The following HDGFL3 variants were observed in gnomAD, a reference collection of about 807,000 sequenced individuals.
The protein encoded by HDGFL3 is hepatoma-derived growth factor-related protein 3.
A neutral mutation model predicts 27.6 loss-of-function variants in HDGFL3; 6 were observed. The ratio of observed to expected loss-of-function variants is 0.22; its 90% CI spans 0.12 to 0.43. The LOEUF is 0.43. HDGFL3 is among the 20% of genes least tolerant of loss of function. HDGFL3 has a pLI of 1.00. For synonymous variants in HDGFL3, 88 were observed against 88.9 expected (o/e 0.99, Z 0.05); for missense variants, 207 against 250.1 (o/e 0.83, Z 1.16).
downstream of HDGFL3, chr15:83,127,386 CTTACT>C: frequency 6.2e-7 from 1 of 1,613,788 alleles, no homozygotes; most frequent in South Asian, 1.1e-5. Context: ...TATTCTGTTC[CTTACT>C]TTGTGACTGC....
chr15:83,195,516 G>T (rs1032293023), intron 1 of HDGFL3, among the ~76,000 whole-genome samples: 2 of 151,868 alleles, frequency 1.3e-5, no homozygotes, highest in African/African-American at 4.8e-5. Context: ...TCTATCTCAA[G>T]CTCTTTAATG....
chr15:83,198,753 C>T (rs1364183333), intron 1 of HDGFL3, among the ~76,000 whole-genome samples: 4 of 152,208 alleles, frequency 2.6e-5, no homozygotes, highest in Non-Finnish European at 5.9e-5. Context: ...TTATAACTCA[C>T]TCTTGCAAGA....
chr15:83,166,097 CAG>C lies in HDGFL3; in HGVS notation c.85-2024_85-2023del, dbSNP rs1382110639. ...AATAGACATCCAGATGCAAGAAATC[CAG>C]AGAATACTGGTAAAATACTATACAA... is the stretch of plus-strand genomic sequence containing the variant. On this transcript the variant is annotated intron_variant, in intron 1 of 5. Transcript: ENST00000299633. Among the ~76,000 whole-genome samples, 8 of 152,102 alleles carry C rather than the reference CAG, an allele frequency of 5.3e-5. No homozygotes were observed. In the East Asian group the frequency reaches 1.5e-3, roughly 29 times the overall value.
At position 83,127,769 on chromosome 15, in the gene HDGFL3, T is replaced by C; in HGVS notation, c.*11501A>G. On this transcript the variant is annotated 3_prime_UTR_variant, in exon 6 of 6. Transcript: ENST00000299633. ...CACCCAGCATGTGGCATTGTTGTTT[T>C]ATTGGACTGTTTCACAATCTCTGAA... 1 of 322,186 alleles carries C rather than the reference T, an allele frequency of 3.1e-6. No individual in the cohort carries two copies. The highest frequency in any genetic ancestry group is 5.8e-6 in the Non-Finnish European group (1 of 171,276). 20.0% of individuals were successfully genotyped at this position (322,186 alleles called of 1,614,324 possible).
rs372471077 is a variant in HDGFL3, at chr15:83,168,712, C to T, written c.85-4637G>A. On this transcript the variant is annotated intron_variant, in intron 1 of 5. Coordinates refer to ENST00000299633, the MANE Select transcript of HDGFL3 (RefSeq NM_016073.4). Reference sequence around the variant, plus strand: ...ATTCTACCAGAGGTACAAAGAAGAACTGTACCAATTCTATTGAAACTATCA... The same window carrying T: ...ATTCTACCAGAGGTACAAAGAAGAATTGTACCAATTCTATTGAAACTATCA... Among the ~76,000 whole-genome samples, 9 of 152,164 alleles carry T rather than the reference C, an allele frequency of 5.9e-5. No homozygotes were observed. The East Asian group carries it at 1.7e-3, about 29-fold the overall frequency.
intron 3 of HDGFL3, chr15:83,115,806 G>A: frequency 3.7e-6 from 5 of 1,350,890 alleles, no homozygotes; most frequent in South Asian, 2.3e-5. Context: ...ATTGTCTCCT[G>A]AGCTATTGCT....
Position 83,137,256 on chromosome 15 carries a change from T to C in HDGFL3, c.*2014A>G, listed in dbSNP as rs2036667047. On this transcript the variant is annotated 3_prime_UTR_variant, in exon 6 of 6. Transcript: ENST00000299633. ...ATTTAAACAGCTAAATAGGGATCAG[T>C]AACTTTATCTCTATCCTTAATGAAC... 1 of 152,216 alleles carries C rather than the reference T, an allele frequency of 6.6e-6. No individual in the cohort carries two copies. The highest frequency in any genetic ancestry group is 2.4e-5 in the African/African-American group (1 of 41,472). 9.4% of individuals were successfully genotyped at this position (152,216 alleles called of 1,614,324 possible).
intron 1 of HDGFL3, among the ~76,000 whole-genome samples, chr15:83,200,259 C>T (rs1234145177): frequency 2.6e-5 from 4 of 151,508 alleles, no homozygotes; most frequent in South Asian, 2.1e-4. Flanking sequence ...GGCAGGAACC[C>T]GGGAGGCGGA....
chr15:83,203,291 A>G (rs1309358604), intron 1 of HDGFL3, among the ~76,000 whole-genome samples: 1 of 152,028 alleles, frequency 6.6e-6, no homozygotes, highest in Admixed American at 6.6e-5. Context: ...TTTTGATTTC[A>G]GTTTCTTACT....
At chr15:83,162,682 A>G (rs909861177) in intron 2 of HDGFL3, among the ~76,000 whole-genome samples, 4 of 152,182 alleles carry the variant, frequency 2.6e-5, no homozygotes, top group Admixed American at 6.5e-5. Context: ...CACGAAAAAA[A>G]GTCTGTCTTG....
chr15:83,188,645 T>A (rs1300969917), intron 1 of HDGFL3, among the ~76,000 whole-genome samples: 1 of 152,226 alleles, frequency 6.6e-6, no homozygotes. Flanking sequence ...GATTCCAGGA[T>A]GCCATAGTCT....
intron 1 of HDGFL3, among the ~76,000 whole-genome samples, chr15:83,206,226 T>C (rs1299051793): frequency 1.3e-5 from 2 of 152,224 alleles, no homozygotes; most frequent in Non-Finnish European, 2.9e-5. Context: ...TGGGTGTATT[T>C]TTTTTTCTTG....
At chr15:83,196,242 T>C (rs1033603008) in intron 1 of HDGFL3, among the ~76,000 whole-genome samples, 11 of 152,046 alleles carry the variant, frequency 7.2e-5, no homozygotes, top group African/African-American at 2.6e-4. Flanking sequence ...TCAATATACT[T>C]ATTGACTCAT....
chr15:83,146,044 G>A lies in HDGFL3; in HGVS notation c.606+5171C>T, dbSNP rs147363589. ...TCATGCCTCAGCCTCCCGAGTACCT[G>A]TGACTACAAGTGTGCACCACCATGC... On this transcript the variant is annotated intron_variant, in intron 5 of 5. Coordinates refer to ENST00000299633, the MANE Select transcript of HDGFL3 (RefSeq NM_016073.4). 9.5e-4 allele frequency among the ~76,000 whole-genome samples: 143 copies of A among 150,818 alleles called. 1 individual carries two copies. The highest frequency in any genetic ancestry group is 3.4e-3 in the African/African-American group (139 of 41,034).
chr15:83,148,621 C>CG lies in HDGFL3; in HGVS notation c.606+2593dup, dbSNP rs536062435. Among the ~76,000 whole-genome samples the CG allele has an allele frequency of 2.0e-4, 30 of 146,492 alleles. 1 individual carries two copies. The South Asian group carries it at 6.0e-3, about 29-fold the overall frequency. On this transcript the variant is annotated intron_variant, in intron 5 of 5. Coordinates refer to ENST00000299633, the MANE Select transcript of HDGFL3 (RefSeq NM_016073.4). ...TGGGCGACAGAGTGAGACTCCGTCTCGAAAAAAAAAAAATAATAATAATAA... is the reference window on the plus strand; with the variant it reads ...TGGGCGACAGAGTGAGACTCCGTCTCGGAAAAAAAAAAAATAATAATAATAA...
At position 83,134,196 on chromosome 15, in the gene HDGFL3, G is replaced by A. The variant is rs2036456429; in HGVS notation, c.*5074C>T. The A allele has an allele frequency of 6.6e-6, 1 of 151,880 alleles. No homozygotes were observed. 9.4% of individuals were successfully genotyped at this position (151,880 alleles called of 1,614,324 possible). ...ATTAGACACAGTACCTGCCCAGTGG[G>A]CTTACAATCTAATCTAAGGACATGA... On this transcript the variant is annotated 3_prime_UTR_variant, in exon 6 of 6. Coordinates refer to ENST00000299633, the MANE Select transcript of HDGFL3 (RefSeq NM_016073.4).
chr15:83,145,208 C>G (rs900192429), intron 5 of HDGFL3, among the ~76,000 whole-genome samples: 1 of 152,036 alleles, frequency 6.6e-6, no homozygotes, highest in African/African-American at 2.4e-5. Context: ...AAGATGGGCT[C>G]CAGAGCACCC....
Position 83,136,559 on chromosome 15 carries a change from C to CT in HDGFL3, c.*2710dup. 7 of 1,613,584 alleles carry CT rather than the reference C, an allele frequency of 4.3e-6. No individual in the cohort carries two copies. The highest frequency in any genetic ancestry group is 2.2e-5 in the East Asian group (1 of 44,842). ...CAGAGTCCCTGAAGAAGCAAAAATCCTTTTTTTAGCATTAAACATAGCATA... is the reference window on the plus strand; with the variant it reads ...CAGAGTCCCTGAAGAAGCAAAAATCCTTTTTTTTAGCATTAAACATAGCATA... On this transcript the variant is annotated 3_prime_UTR_variant, in exon 6 of 6. Transcript: ENST00000299633.
rs770787652 is a variant in HDGFL3, at chr15:83,130,258, T to C, written c.*9012A>G. On this transcript the variant is annotated 3_prime_UTR_variant, in exon 6 of 6. Coordinates refer to ENST00000299633, the MANE Select transcript of HDGFL3 (RefSeq NM_016073.4). Reference sequence around the variant, plus strand: ...AGGAAGGTCATAGCTTAGAGGAAAATGGGTGTGGTAAGCCTGTAGCAATAA... The same window carrying C: ...AGGAAGGTCATAGCTTAGAGGAAAACGGGTGTGGTAAGCCTGTAGCAATAA... 1.3e-5 allele frequency: 2 copies of C among 151,976 alleles called. No individual in the cohort carries two copies. Among genetic ancestry groups the C allele is most frequent in the Non-Finnish European group, 2.9e-5 (2 of 68,032 alleles). The allele number at this position is 151,976 out of a possible 1,614,324, so 9.4% of individuals were successfully genotyped here. A position where few individuals can be genotyped will look rare whatever the true frequency, so the allele number is the denominator to read the frequency against.
Sources: gnomAD v4.1 joint callset for allele counts (sites outside exome capture counted in the v4.1 genomes callset) on GRCh38, gnomAD v4.1.1 for gene constraint, MANE v1.5 for transcripts, NCBI Gene and HGNC (gene_info 2026-07-23, HGNC 2026-07-21) for gene names.